Variants in CDH13 observed in about 807,000 individuals in gnomAD.
CDH13 encodes the protein cadherin 13.
CDH13 carries 24 observed loss-of-function variants against 63.8 expected under a neutral mutation model. That is an observed-to-expected ratio of 0.38 (90% confidence interval 0.27 to 0.53). The LOEUF (loss-of-function observed/expected upper bound fraction) is 0.53, where lower values mean the gene tolerates loss of function less well. Among genes scored for constraint, CDH13 ranks in the 20% least tolerant of loss-of-function variants. The probability of loss-of-function intolerance (pLI) is 0.85; values close to 1 mark genes in which losing one functional copy is unlikely to be tolerated. For missense variants in CDH13, 1,049 were observed against 903.1 expected, an observed-to-expected ratio of 1.16 and a Z score of -2.07; for synonymous variants, 503 against 355.3, an observed-to-expected ratio of 1.42 and a Z score of -4.67.
At chr16:83,487,915 C>T (rs2073928148) in intron 7 of CDH13, among the ~76,000 whole-genome samples, 1 of 152,188 alleles carries the variant, frequency 6.6e-6, no homozygotes, top group Non-Finnish European at 1.5e-5. Flanking sequence ...TGTCCTCATC[C>T]ACCTGATTCT....
intron 5 of CDH13, among the ~76,000 whole-genome samples, chr16:83,279,513 G>A (rs2151854648): frequency 6.6e-6 from 1 of 152,236 alleles, no homozygotes; most frequent in East Asian, 1.9e-4. Flanking sequence ...CCGCATTCTG[G>A]AAACCGCTGC....
At chr16:82,801,382 G>GC (rs1389433673) in intron 1 of CDH13, among the ~76,000 whole-genome samples, 1 of 152,168 alleles carries the variant, frequency 6.6e-6, no homozygotes, top group East Asian at 1.9e-4. Context: ...GGATTCAAAT[G>GC]CTTTAAGGAA....
At chr16:83,263,522 A>G (rs1401712372) in intron 5 of CDH13, among the ~76,000 whole-genome samples, 1 of 152,168 alleles carries the variant, frequency 6.6e-6, no homozygotes. Context: ...GTTCATAGGA[A>G]TGGTCTTGAC....
chr16:83,300,624 T>C (rs1296553405), intron 5 of CDH13, among the ~76,000 whole-genome samples: 2 of 152,230 alleles, frequency 1.3e-5, no homozygotes, highest in Non-Finnish European at 2.9e-5. Flanking sequence ...ACAACATGAA[T>C]GTAGTTCTGC....
intron 7 of CDH13, among the ~76,000 whole-genome samples, chr16:83,501,777 T>A (rs774854688): frequency 2.6e-5 from 4 of 152,220 alleles, no homozygotes; most frequent in African/African-American, 9.6e-5. Context: ...ACGGGACATA[T>A]TGATGGAAAA....
At chr16:83,657,267 T>C (rs1912953128) in intron 8 of CDH13, among the ~76,000 whole-genome samples, 1 of 152,214 alleles carries the variant, frequency 6.6e-6, no homozygotes, top group Non-Finnish European at 1.5e-5. Context: ...TGCTACATTG[T>C]TCCTGAGCCA....
chr16:82,738,732 G>A (rs1457144415), intron 1 of CDH13, among the ~76,000 whole-genome samples: 3 of 152,142 alleles, frequency 2.0e-5, no homozygotes, highest in Non-Finnish European at 2.9e-5. Flanking sequence ...GCATTTGGGG[G>A]AAAATGTCAT....
intron 2 of CDH13, among the ~76,000 whole-genome samples, chr16:82,908,729 C>G (rs1010156406): frequency 6.6e-6 from 1 of 152,072 alleles, no homozygotes; most frequent in African/African-American, 2.4e-5. Flanking sequence ...ATCCAGAAAC[C>G]TCTGTGAATA....
At chr16:83,698,658 C>T (rs946173471) in intron 10 of CDH13, among the ~76,000 whole-genome samples, 5 of 152,204 alleles carry the variant, frequency 3.3e-5, no homozygotes, top group African/African-American at 4.8e-5. Flanking sequence ...ATGATCTAGC[C>T]TGGAACACTG....
At chr16:83,432,852 A>G (rs2072165276) in intron 6 of CDH13, among the ~76,000 whole-genome samples, 1 of 152,144 alleles carries the variant, frequency 6.6e-6, no homozygotes, top group Non-Finnish European at 1.5e-5. Flanking sequence ...TCACCACCAC[A>G]CCATAAATGT....
chr16:83,332,273 G>T, intron 5 of CDH13, among the ~76,000 whole-genome samples: 1 of 152,058 alleles, frequency 6.6e-6, no homozygotes, highest in South Asian at 2.1e-4. Context: ...AGCTCTAATG[G>T]TGGCTTAGAA....
chr16:82,870,044 A>C (rs1319819203), intron 2 of CDH13, among the ~76,000 whole-genome samples: 1 of 152,186 alleles, frequency 6.6e-6, no homozygotes, highest in Non-Finnish European at 1.5e-5. Context: ...GACAACCCAC[A>C]GAATGGGAGA....
At chr16:83,170,545 G>A (rs910750223) in intron 4 of CDH13, among the ~76,000 whole-genome samples, 7 of 152,012 alleles carry the variant, frequency 4.6e-5, no homozygotes, top group African/African-American at 1.2e-4. Flanking sequence ...GAGATTTTCC[G>A]GACAGCTATC....
At chr16:83,359,603 G>A (rs986461729) in intron 6 of CDH13, among the ~76,000 whole-genome samples, 1 of 152,162 alleles carries the variant, frequency 6.6e-6, no homozygotes, top group Non-Finnish European at 1.5e-5. Context: ...TTCTGTGGCA[G>A]CACTTTGTAC....
intron 1 of CDH13, chr16:82,639,288 T>C (rs1909088132): frequency 9.3e-7 from 1 of 1,074,854 alleles, no homozygotes; most frequent in Non-Finnish European, 1.3e-6. Context: ...GGGCTACTGA[T>C]TGCAACCTTC....
intron 4 of CDH13, among the ~76,000 whole-genome samples, chr16:83,170,822 C>G (rs1027832885): frequency 2.0e-5 from 3 of 152,010 alleles, no homozygotes; most frequent in East Asian, 3.9e-4. Context: ...CCTGATTTGA[C>G]CAAACTTTTC....
chr16:83,122,756 G>C (rs2035640893), intron 3 of CDH13, among the ~76,000 whole-genome samples: 1 of 152,014 alleles, frequency 6.6e-6, no homozygotes, highest in Non-Finnish European at 1.5e-5. Context: ...TATTACCCTA[G>C]ATAAAAATTA....
intron 4 of CDH13, among the ~76,000 whole-genome samples, chr16:83,157,275 A>G (rs975504453): frequency 7.0e-6 from 1 of 143,732 alleles, no homozygotes; most frequent in African/African-American, 2.6e-5. Flanking sequence ...GACCCTTGCT[A>G]TCATTTGGGT....
chr16:83,468,885 C>T (rs1035650236), intron 6 of CDH13, among the ~76,000 whole-genome samples: 6 of 152,196 alleles, frequency 3.9e-5, no homozygotes, highest in African/African-American at 7.2e-5. Flanking sequence ...AAGCCCTGCA[C>T]GCATTAGCCC....
Sources: gnomAD v4.1 joint callset for allele counts (sites outside exome capture counted in the v4.1 genomes callset) on GRCh38, gnomAD v4.1.1 for gene constraint, MANE v1.5 for transcripts, NCBI Gene and HGNC (gene_info 2026-07-23, HGNC 2026-07-21) for gene names.